The following RNF38 variants were observed in gnomAD, a reference collection of about 807,000 sequenced individuals.
The protein encoded by RNF38 is E3 ubiquitin-protein ligase RNF38.
Under a neutral mutation model 67.2 loss-of-function variants are expected in RNF38, and 15 were observed. The observed-to-expected ratio is 0.22, with a 90% CI of 0.15 to 0.34. The LOEUF is 0.34. Among genes scored for constraint, RNF38 ranks in the 10% least tolerant of loss-of-function variants. The pLI is 1.00. For missense variants in RNF38, 524 were observed against 639.9 expected (o/e 0.82, Z 1.95); for synonymous variants, 220 against 218.8 (o/e 1.01, Z -0.05).
intron 2 of RNF38, among the ~76,000 whole-genome samples, chr9:36,377,155 A>G (rs1162580193): frequency 6.6e-6 from 1 of 152,134 alleles, no homozygotes; most frequent in African/African-American, 2.4e-5. Flanking sequence ...CAATTTCCCA[A>G]ATCAGTCTAC....
At chr9:36,426,551 T>C (rs575220021) in intron 1 of RNF38, among the ~76,000 whole-genome samples, 1 of 152,360 alleles carries the variant, frequency 6.6e-6, no homozygotes, top group South Asian at 2.1e-4. Context: ...CCACATTTTG[T>C]TTCACTCTGG....
intron 1 of RNF38, among the ~76,000 whole-genome samples, chr9:36,460,186 A>G (rs1839693554): frequency 6.6e-6 from 1 of 152,202 alleles, no homozygotes; most frequent in Non-Finnish European, 1.5e-5. Context: ...TGTTGCCTAC[A>G]AGACGTTGAG....
intron 1 of RNF38, among the ~76,000 whole-genome samples, chr9:36,453,435 T>C (rs1839508946): frequency 6.7e-6 from 1 of 150,006 alleles, no homozygotes; most frequent in African/African-American, 2.5e-5. Context: ...CAGGCTGGAG[T>C]GCAATGGTGC....
chr9:36,431,720 T>G (rs1838938784), intron 1 of RNF38, among the ~76,000 whole-genome samples: 1 of 152,220 alleles, frequency 6.6e-6, no homozygotes, highest in South Asian at 2.1e-4. Context: ...TAGGTAGGCA[T>G]GACTGATAAA....
intron 11 of RNF38, 57 bp from the exon 12 acceptor site, chr9:36,339,871 C>T (rs1832715960): frequency 7.5e-7 from 1 of 1,335,592 alleles, no homozygotes; most frequent in Admixed American, 1.8e-5. Context: ...GAAACACATT[C>T]AAAGCAATGG....
intron 5 of RNF38, among the ~76,000 whole-genome samples, 200 bp downstream of exon 5, chr9:36,357,575 G>A (rs1318849277): frequency 1.3e-5 from 2 of 152,086 alleles, no homozygotes; most frequent in African/African-American, 4.8e-5. Flanking sequence ...TTACTATAAG[G>A]ATATTATTGA....
chr9:36,464,274 G>T (rs979501235), intron 1 of RNF38, among the ~76,000 whole-genome samples: 1 of 149,822 alleles, frequency 6.7e-6, no homozygotes, highest in East Asian at 2.0e-4. Flanking sequence ...ATTATAATTT[G>T]AAATCATATT....
intron 1 of RNF38, among the ~76,000 whole-genome samples, chr9:36,428,167 A>G (rs1838836657): frequency 6.6e-6 from 1 of 152,096 alleles, no homozygotes; most frequent in Non-Finnish European, 1.5e-5. Context: ...CTGTAATCCC[A>G]GCACTTTGGG....
intron 1 of RNF38, among the ~76,000 whole-genome samples, chr9:36,435,598 C>T (rs1429135119): frequency 1.3e-5 from 2 of 150,476 alleles, no homozygotes; most frequent in African/African-American, 2.4e-5. Flanking sequence ...AGACACTGAA[C>T]GTGCCTTGGC....
chr9:36,392,834 A>G (rs1837211864), intron 1 of RNF38, among the ~76,000 whole-genome samples: 1 of 152,216 alleles, frequency 6.6e-6, no homozygotes, highest in Non-Finnish European at 1.5e-5. Context: ...TTATTCTAAC[A>G]ATTTTTGAAA....
rs1837892456 is a variant in RNF38 at position 36,400,118 on chromosome 9, A to G, written c.-10T>C. Reference sequence around the variant, plus strand: ...TTACCTTACAAGCCATACAGACGTAAACAAAAACTTTATTTCTTTTTGGAC... The same window carrying G: ...TTACCTTACAAGCCATACAGACGTAGACAAAAACTTTATTTCTTTTTGGAC... On this transcript the variant is annotated 5_prime_UTR_variant, in exon 1 of 12. Coordinates refer to ENST00000259605, the MANE Select transcript of RNF38 (RefSeq NM_022781.5). The G allele has an allele frequency of 6.2e-7, 1 of 1,612,592 alleles. No individual in the cohort carries two copies. The highest frequency in any genetic ancestry group is 2.2e-5 in the East Asian group (1 of 44,852).
Position 36,369,836 on chromosome 9 carries a change from C to A in RNF38, c.453G>T (p.Gln151His). The change falls in exon 4 of 12, where the codon CAG becomes CAT. Residue 151 changes from glutamine (Q) to histidine (H), a missense_variant. By Grantham distance (24) the Gln-to-His change is conservative. Transcript: ENST00000259605. ...CTCGAGGCTCCTCTATTGCTTGCTG[C>A]TGTGCGTAAGGGAGATGGTGATAGT... The part of the protein sequence containing the change: ...DENYHHLPYA[Q>H]QQAIEEPRAF... The A allele has an allele frequency of 1.2e-6, 2 of 1,613,922 alleles. No individual in the cohort carries two copies. The highest frequency in any genetic ancestry group is 1.7e-6 in the Non-Finnish European group (2 of 1,180,010).
intron 2 of RNF38, chr9:36,424,533 G>T: frequency 2.0e-6 from 1 of 496,228 alleles, no homozygotes; most frequent in Non-Finnish European, 2.6e-6. Context: ...CTTGCCCTAG[G>T]CCCAGAGTTA....
chr9:36,386,166 T>A (rs923533621), intron 2 of RNF38, among the ~76,000 whole-genome samples: 37 of 152,330 alleles, frequency 2.4e-4, no homozygotes, highest in African/African-American at 7.5e-4. Flanking sequence ...CAGAATTACT[T>A]TTGCACCAAC....
At chr9:36,482,897 T>C (rs1398188661) in intron 1 of RNF38, among the ~76,000 whole-genome samples, 3 of 152,178 alleles carry the variant, frequency 2.0e-5, no homozygotes, top group African/African-American at 7.2e-5. Flanking sequence ...GTTCCAAAGC[T>C]GCAGAGCAGT....
chr9:36,466,007 G>A (rs1284599350), intron 1 of RNF38, among the ~76,000 whole-genome samples: 1 of 152,122 alleles, frequency 6.6e-6, no homozygotes, highest in Non-Finnish European at 1.5e-5. Context: ...AGCCGAGATC[G>A]GGCCACTGCA....
At chr9:36,483,699 T>C (rs1840333894) in intron 1 of RNF38, among the ~76,000 whole-genome samples, 1 of 152,150 alleles carries the variant, frequency 6.6e-6, no homozygotes, top group Non-Finnish European at 1.5e-5. Flanking sequence ...GCTAAAACAA[T>C]CACTAGCATC....
intron 1 of RNF38, among the ~76,000 whole-genome samples, chr9:36,430,738 C>T (rs185715832): frequency 1.3e-5 from 2 of 151,874 alleles, no homozygotes; most frequent in East Asian, 1.9e-4. Flanking sequence ...CTTCGGGCGG[C>T]GGGGGTGCGG....
intron 2 of RNF38, among the ~76,000 whole-genome samples, chr9:36,376,865 G>A (rs1835827159): frequency 1.4e-5 from 2 of 145,474 alleles, no homozygotes; most frequent in South Asian, 4.3e-4. Flanking sequence ...GGCGGAGGTT[G>A]TTGTGAGCTG....
Sources: allele counts gnomAD v4.1 joint callset (sites outside exome capture counted in the v4.1 genomes callset), GRCh38; gene constraint gnomAD v4.1.1; transcripts MANE v1.5; gene names NCBI Gene and HGNC (gene_info 2026-07-23, HGNC 2026-07-21).